Variants in MTRES1 observed in about 807,000 individuals in gnomAD.
MTRES1 encodes the protein mitochondrial transcription rescue factor 1, also known as uncharacterized protein C6orf203.
MTRES1 carries 11 observed loss-of-function variants against 17.4 expected under a neutral mutation model. The ratio of observed to expected loss-of-function variants is 0.63; its 90% CI spans 0.40 to 1.05. The LOEUF (loss-of-function observed/expected upper bound fraction) is 1.05, where lower values mean the gene tolerates loss of function less well. Among genes scored for constraint, MTRES1 ranks in the 50% least tolerant of loss-of-function variants. The probability of loss-of-function intolerance (pLI) is 0.00; values close to 1 mark genes in which losing one functional copy is unlikely to be tolerated. For synonymous variants in MTRES1, 94 were observed against 99.6 expected (o/e 0.94, Z 0.34); for missense variants, 268 against 276.2 (o/e 0.97, Z 0.21).
chr6:107,040,269 G>T, intron 2 of MTRES1, 39 bp downstream of exon 2: 1 of 1,534,514 alleles, frequency 6.5e-7, no homozygotes. Context: ...CTCGCTCGTA[G>T]TCATGTTATT....
chr6:107,029,971 T>C, intron 1 of MTRES1: 1 of 668,040 alleles, frequency 1.5e-6, no homozygotes. Flanking sequence ...AACCACCAGC[T>C]ATCATATAAT....
chr6:107,032,908 T>C (rs1179688597), intron 1 of MTRES1, among the ~76,000 whole-genome samples: 4 of 152,180 alleles, frequency 2.6e-5, no homozygotes, highest in Non-Finnish European at 4.4e-5. Context: ...CTCCAGCTGG[T>C]GCAGGGTTCA....
intron 1 of MTRES1, among the ~76,000 whole-genome samples, chr6:107,034,276 T>G (rs1773934695): frequency 6.6e-6 from 1 of 151,998 alleles, no homozygotes; most frequent in Non-Finnish European, 1.5e-5. Context: ...AACATAAAAA[T>G]AGAACTTATG....
intron 1 of MTRES1, among the ~76,000 whole-genome samples, chr6:107,031,445 CTTTTCTTTTTT>C (rs1463503714): frequency 3.8e-4 from 2 of 5,228 alleles, no homozygotes; most frequent in Non-Finnish European, 1.3e-3. Flanking sequence ...GCAAAGGAGT[CTTTTCTTTTTT>C]TTTTTTTTGA....
At chr6:107,031,385 C>CAAAAAAAA (rs782379041) in intron 1 of MTRES1, among the ~76,000 whole-genome samples, 1 of 97,624 alleles carries the variant, frequency 1.0e-5, no homozygotes, top group Non-Finnish European at 1.8e-5. Flanking sequence ...GACCCTGTCT[C>CAAAAAAAA]AAAAAAAAAA....
At chr6:107,050,148 C>G (rs1582622603) in intron 3 of MTRES1, among the ~76,000 whole-genome samples, 1 of 152,370 alleles carries the variant, frequency 6.6e-6, no homozygotes, top group East Asian at 1.9e-4. Flanking sequence ...GCTGACATAA[C>G]TGCCCCAGGG....
intron 1 of MTRES1, among the ~76,000 whole-genome samples, chr6:107,029,673 G>A (rs1006868935): frequency 6.6e-6 from 1 of 151,002 alleles, no homozygotes; most frequent in Non-Finnish European, 1.5e-5. Flanking sequence ...TAGTAGAGAC[G>A]AGGTTTCACC....
At chr6:107,032,003 T>C (rs1554226505) in intron 1 of MTRES1, among the ~76,000 whole-genome samples, 2 of 152,126 alleles carry the variant, frequency 1.3e-5, no homozygotes, top group Admixed American at 1.3e-4. Flanking sequence ...TGATCGGTTT[T>C]TTCAAGTGCT....
rs1554229214 is a variant in MTRES1, at chr6:107,051,260, G to T, written c.*24G>T. On this transcript the variant is annotated 3_prime_UTR_variant, in exon 4 of 4. Coordinates refer to ENST00000311381, the MANE Select transcript of MTRES1 (RefSeq NM_016487.5). The stretch of plus-strand genomic sequence containing the variant: ...AAATGGATTGCTTTTTAGCAATAGA[G>T]CTGCTTTCTAGTGGTAAAGGAAGGG... 6.3e-7 allele frequency: 1 copy of T among 1,589,406 alleles called. No individual in the cohort carries two copies. The highest frequency in any genetic ancestry group is 1.1e-5 in the South Asian group (1 of 88,094).
intron 3 of MTRES1, among the ~76,000 whole-genome samples, chr6:107,046,358 T>A (rs1774390527): frequency 7.1e-6 from 1 of 141,736 alleles, no homozygotes; most frequent in Admixed American, 7.3e-5. Context: ...TTTTGTGATG[T>A]TGTTAACTAC....
rs182516853 is a variant in MTRES1 at position 107,041,639 on chromosome 6, C to G, written c.470+1409C>G. 3.7e-3 allele frequency among the ~76,000 whole-genome samples: 565 copies of G among 152,210 alleles called. 5 individuals carry two copies. The South Asian group carries it at 0.04, about 11-fold the overall frequency. On this transcript the variant is annotated intron_variant, in intron 2 of 3. Coordinates refer to ENST00000311381, the MANE Select transcript of MTRES1 (RefSeq NM_016487.5). ...CTCCCGGGTTCACGCCATTCTCCTG[C>G]CTCAGCCTCCCGAGTAGTTGGGAAT... is the stretch of plus-strand genomic sequence containing the variant.
chr6:107,030,011 G>C, intron 1 of MTRES1: 1 of 675,718 alleles, frequency 1.5e-6, no homozygotes, highest in East Asian at 2.7e-5. Context: ...TTGTCTACCT[G>C]TTTCCCCTAC....
rs1268840622 is a variant in MTRES1 at position 107,044,350 on chromosome 6, A to C, written c.543+18A>C. 1 of 1,597,234 alleles carries C rather than the reference A, an allele frequency of 6.3e-7. No homozygotes were observed. The highest frequency in any genetic ancestry group is 8.6e-7 in the Non-Finnish European group (1 of 1,165,166). The stretch of plus-strand genomic sequence containing the variant: ...GCAGAACGGTGAGATACTAACCTAA[A>C]ATGACAGCCAGATGTTTTCGTCTCT... On this transcript the variant is annotated intron_variant, in intron 3 of 3. Transcript: ENST00000311381.
At chr6:107,041,083 A>G (rs112852459) in intron 2 of MTRES1, among the ~76,000 whole-genome samples, 18,773 of 141,788 alleles carry the variant, frequency 0.13, 1,394 homozygotes, top group African/African-American at 0.15. Context: ...AAAATTAGCC[A>G]GGCGTGGTGG....
intron 3 of MTRES1, among the ~76,000 whole-genome samples, chr6:107,049,465 G>A (rs1265877680): frequency 1.4e-5 from 2 of 143,918 alleles, no homozygotes; most frequent in African/African-American, 5.2e-5. Context: ...CCAGGCTGGA[G>A]TGCAGTGGCG....
chr6:107,042,945 C>G (rs1157546818), intron 2 of MTRES1, among the ~76,000 whole-genome samples: 3 of 152,152 alleles, frequency 2.0e-5, no homozygotes, highest in Admixed American at 2.0e-4. Flanking sequence ...TAGAAATGCC[C>G]TTTGGTCTCC....
intron 1 of MTRES1, among the ~76,000 whole-genome samples, chr6:107,036,758 G>A (rs1451177867): frequency 2.6e-5 from 4 of 151,800 alleles, no homozygotes; most frequent in African/African-American, 9.7e-5. Flanking sequence ...CAGGAGAATG[G>A]CGAATGGCGT....
At chr6:107,041,792 G>T (rs1774227104) in intron 2 of MTRES1, among the ~76,000 whole-genome samples, 1 of 152,032 alleles carries the variant, frequency 6.6e-6, no homozygotes, top group African/African-American at 2.4e-5. Flanking sequence ...CTCCCAAAGT[G>T]CTGGGATTAC....
chr6:107,044,422 G>A, intron 3 of MTRES1, 90 bp downstream of exon 3: 1 of 1,011,160 alleles, frequency 9.9e-7, no homozygotes, highest in South Asian at 1.4e-5. Context: ...TTTCCCTCTG[G>A]CTCCTCTTCT....
Sources: allele counts gnomAD v4.1 joint callset (sites outside exome capture counted in the v4.1 genomes callset), GRCh38; gene constraint gnomAD v4.1.1; transcripts MANE v1.5; gene names NCBI Gene and HGNC (gene_info 2026-07-23, HGNC 2026-07-21).